PAGE3: variants seen among roughly 807,000 people sequenced by gnomAD.
The protein encoded by PAGE3 is PAGE family member 3, also known as P antigen family member 3.
A neutral mutation model predicts 3.8 loss-of-function variants in PAGE3; 9 were observed. That is an observed-to-expected ratio of 2.36 (90% CI 1.42 to 4.12). The LOEUF (loss-of-function observed/expected upper bound fraction) is 4.12. Ranked by LOEUF, PAGE3 falls within the 30% of genes most tolerant of loss-of-function variation. PAGE3 has a pLI of 0.00. For missense variants in PAGE3, 73 were observed against 37.8 expected (o/e 1.93, Z -2.44); for synonymous variants, 24 against 13.1 (o/e 1.83, Z -1.79).
chrX:55,258,430 G>A lies in PAGE3; in HGVS notation c.*76C>T. ...ACAAGACTTCTTTGCAGACAATTGTGAAACTTTATTGAGAGAATTTTACTG... is the reference window on the plus strand; with the variant it reads ...ACAAGACTTCTTTGCAGACAATTGTAAAACTTTATTGAGAGAATTTTACTG... On this transcript the variant is annotated 3_prime_UTR_variant, in exon 5 of 5. Coordinates refer to ENST00000374951, the MANE Select transcript of PAGE3 (RefSeq NM_001017931.3). 1.8e-6 allele frequency: 1 copy of A among 546,781 alleles called. No homozygotes were observed. 45.1% of individuals were successfully genotyped at this position (546,781 alleles called of 1,213,427 possible).
rs758627352 is a variant in PAGE3 at position 55,260,540 on chromosome X, C to T, written c.313G>A (p.Glu105Lys). 1 of 563,677 alleles carries T rather than the reference C, an allele frequency of 1.8e-6. No homozygotes were observed. Among genetic ancestry groups the T allele is most frequent in the South Asian group, 2.3e-5 (1 of 44,020 alleles). 46.5% of individuals were successfully genotyped at this position (563,677 alleles called of 1,213,427 possible). A position where few individuals can be genotyped will look rare whatever the true frequency, so the allele number is the denominator to read the frequency against. The change falls in exon 4 of 5, where the codon GAA becomes AAA. Residue 105 changes from glutamate to lysine, a missense_variant. Coordinates refer to ENST00000374951, the MANE Select transcript of PAGE3 (RefSeq NM_001017931.3). ...TTTTTAATGAATAACTTACCTGCTT[C>T]TGGTATTTTAACAGGCTCCAGATTT... Reference protein sequence around the residue: ...LPNLEPVKIPEAGEGQPSV With the variant: ...LPNLEPVKIPKAGEGQPSV
chrX:55,262,860 T>C (rs1350289292), intron 3 of PAGE3, among the ~76,000 whole-genome samples: 2 of 107,266 alleles, frequency 1.9e-5, no homozygotes, highest in African/African-American at 6.7e-5. Flanking sequence ...TGATCTATAA[T>C]ATATGTATAA....
chrX:55,264,503 T>A (rs944426817), intron 1 of PAGE3, 43 bp downstream of exon 1: 1 of 111,462 alleles, frequency 9.0e-6, no homozygotes, highest in African/African-American at 3.3e-5. Context: ...CTGGGGAATC[T>A]GTCCTCCCTC....
rs1226542364 is a variant in PAGE3 at position 55,264,889 on chromosome X, A to G, written c.-352T>C. On this transcript the variant is annotated 5_prime_UTR_variant, in exon 1 of 5. Transcript: ENST00000374951. ...TCTCAGGGCAGAGCTCTGAGCGCAG[A>G]CAGCAGACAGCAGACAGCAGACAGC... is the stretch of plus-strand genomic sequence containing the variant. 1 of 110,505 alleles carries G rather than the reference A, an allele frequency of 9.0e-6. No homozygotes were observed. The highest frequency in any genetic ancestry group is 9.6e-5 in the Admixed American group (1 of 10,398). 9.1% of individuals were successfully genotyped at this position (110,505 alleles called of 1,213,427 possible). A position where few individuals can be genotyped will look rare whatever the true frequency, so the allele number is the denominator to read the frequency against.
At position 55,263,333 on chromosome X, in the gene PAGE3, C is replaced by T. The variant is rs746675532; in HGVS notation, c.111G>A (p.Gln37=). The T allele has an allele frequency of 3.2e-5, 18 of 566,971 alleles. No individual in the cohort carries two copies. The highest frequency in any genetic ancestry group is 3.1e-4 in the Middle Eastern group (1 of 3,270). The allele number at this position is 566,971 out of a possible 1,213,427, so 46.7% of individuals were successfully genotyped here. Residue 37 remains glutamine, a synonymous_variant, in exon 3 of 5, where the codon CAG becomes CAA. Transcript: ENST00000374951. ...CAATTGGTGGTTCCTCTTGTTGAAG[C>T]TGGTCATTACTGGGCAGCTCCTGGG... ...VVAQELPSND[Q]LQQEEPPIES... is the part of the protein sequence containing the mutation.
At chrX:55,263,485 A>T in intron 2 of PAGE3, 126 bp from the exon 3 acceptor site, 1 of 430,269 alleles carries the variant, frequency 2.3e-6, no homozygotes, top group South Asian at 4.0e-5. Context: ...TTTTTCCTAC[A>T]CAATTCTACA....
At position 55,264,586 on chromosome X, in the gene PAGE3, T is replaced by A. The variant is rs1938355642; in HGVS notation, c.-49A>T. 1 of 111,186 alleles carries A rather than the reference T, an allele frequency of 9.0e-6. No homozygotes were observed. Among genetic ancestry groups the A allele is most frequent in the Non-Finnish European group, 1.9e-5 (1 of 52,993 alleles). The allele number at this position is 111,186 out of a possible 1,213,427, so 9.2% of individuals were successfully genotyped here. ...CAGCACTCGCCCCATCTTCACGTGA[T>A]TCCTCCCCTCTACGGTCCACCTTCC... On this transcript the variant is annotated 5_prime_UTR_variant, in exon 1 of 5. Coordinates refer to ENST00000374951, the MANE Select transcript of PAGE3 (RefSeq NM_001017931.3).
chrX:55,259,668 T>A (rs1938251570), intron 4 of PAGE3, among the ~76,000 whole-genome samples: 1 of 111,297 alleles, frequency 9.0e-6, no homozygotes, highest in Admixed American at 9.6e-5. Context: ...TTTTATTTAC[T>A]AGTTGAATTA....
In PAGE3 at chrX:55,260,610, C is replaced by A. The variant is rs1256195453; in HGVS notation, c.243G>T (p.Gly81=). ...CATTAGGACCATCTCCACGTTCACC[C>A]CCAGTCTTTGACCGAGTCAGTTCCC... ...YLWELTRSKT[G]GERGDGPNVK... is the part of the protein sequence containing the mutation. The change falls in exon 4 of 5, where the codon GGG becomes GGT. Residue 81 remains glycine (G), a synonymous_variant. Coordinates refer to ENST00000374951, the MANE Select transcript of PAGE3 (RefSeq NM_001017931.3). 1.8e-6 allele frequency: 1 copy of A among 565,002 alleles called. No individual in the cohort carries two copies. Among genetic ancestry groups the A allele is most frequent in the Non-Finnish European group, 3.3e-6 (1 of 306,332 alleles). 46.6% of individuals were successfully genotyped at this position (565,002 alleles called of 1,213,427 possible).
At chrX:55,264,078 T>C (rs970308423) in intron 1 of PAGE3, among the ~76,000 whole-genome samples, 167 bp from the exon 2 acceptor site, 2 of 111,959 alleles carry the variant, frequency 1.8e-5, no homozygotes, top group African/African-American at 6.5e-5. Flanking sequence ...ATATGGCTGC[T>C]TGCAAAGTCA....
At chrX:55,258,856 A>G (rs1938239885) in intron 4 of PAGE3, among the ~76,000 whole-genome samples, 1 of 111,712 alleles carries the variant, frequency 9.0e-6, no homozygotes, top group African/African-American at 3.2e-5. Context: ...CAACTAACCA[A>G]ACATAAGCAA....
intron 4 of PAGE3, 80 bp downstream of exon 4, chrX:55,260,454 G>T (rs3761559): frequency 0.34 from 156,330 of 466,198 alleles, 18,739 homozygotes; most frequent in Admixed American, 0.48. Flanking sequence ...ATTAGCAGTA[G>T]TGGTACCTCT....
intron 1 of PAGE3, 78 bp downstream of exon 1, chrX:55,264,468 C>T (rs1275734852): frequency 2.7e-5 from 3 of 111,331 alleles, no homozygotes; most frequent in African/African-American, 9.9e-5. Flanking sequence ...CTGCCCACCT[C>T]GCCCTGCCAC....
At chrX:55,258,863 G>A (rs1180893461) in intron 4 of PAGE3, among the ~76,000 whole-genome samples, 1 of 110,961 alleles carries the variant, frequency 9.0e-6, no homozygotes, top group African/African-American at 3.3e-5. Flanking sequence ...CCAAACATAA[G>A]CAAACATAAA....
Position 55,264,573 on chromosome X carries a change from C to A in PAGE3, c.-36G>T, listed in dbSNP as rs1004838381. ...CCAACAGCACGCCCAGCACTCGCCC[C>A]ATCTTCACGTGATTCCTCCCCTCTA... On this transcript the variant is annotated 5_prime_UTR_variant, in exon 1 of 5. It removes an upstream start codon present in the reference 5' UTR. Coordinates refer to ENST00000374951, the MANE Select transcript of PAGE3 (RefSeq NM_001017931.3). 8.9e-6 allele frequency: 1 copy of A among 111,923 alleles called. No homozygotes were observed. Among genetic ancestry groups the A allele is most frequent in the Non-Finnish European group, 1.9e-5 (1 of 53,317 alleles). The allele number at this position is 111,923 out of a possible 1,213,427, so 9.2% of individuals were successfully genotyped here.
rs941136690 is a variant in PAGE3, at chrX:55,263,815, C to T, written c.84+5G>A. The T allele has an allele frequency of 1.8e-6, 1 of 558,482 alleles. No individual in the cohort carries two copies. The highest frequency in any genetic ancestry group is 2.3e-5 in the African/African-American group (1 of 44,277). The allele number at this position is 558,482 out of a possible 1,213,427, so 46.0% of individuals were successfully genotyped here. On this transcript the variant is annotated splice_donor_5th_base_variant and intron_variant, in intron 2 of 4. Transcript: ENST00000374951. ...ATAGAAAATATCAAATGTTAAAATACTCACAACCACAGCCCCTACTGGATG... is the reference window on the plus strand; with the variant it reads ...ATAGAAAATATCAAATGTTAAAATATTCACAACCACAGCCCCTACTGGATG...
In PAGE3 at chrX:55,263,258, G is replaced by A. The variant is rs931422486; in HGVS notation, c.186C>T (p.Asp62=). 3.5e-6 allele frequency: 2 copies of A among 568,150 alleles called. No individual in the cohort carries two copies. Among genetic ancestry groups the A allele is most frequent in the Middle Eastern group, 3.1e-4 (1 of 3,239 alleles). 46.8% of individuals were successfully genotyped at this position (568,150 alleles called of 1,213,427 possible). Residue 62 remains aspartate, a synonymous_variant, in exon 3 of 5, where the codon GAC becomes GAT. Coordinates refer to ENST00000374951, the MANE Select transcript of PAGE3 (RefSeq NM_001017931.3). ...PGQERDEGAL[D]FQVLGLAAYL... is the part of the protein sequence containing the mutation. ...TCCTCTCCCACGCTTCACCTTGGAA[G>A]TCCAGTGCTCCCTCGTCTCTCTCTT...
In PAGE3 at chrX:55,263,379, T is replaced by A; in HGVS notation, c.85-20A>T. The A allele has an allele frequency of 3.6e-6, 2 of 557,019 alleles. No individual in the cohort carries two copies. The highest frequency in any genetic ancestry group is 4.8e-5 in the South Asian group (2 of 41,755). 45.9% of individuals were successfully genotyped at this position (557,019 alleles called of 1,213,427 possible). A position where few individuals can be genotyped will look rare whatever the true frequency, so the allele number is the denominator to read the frequency against. On this transcript the variant is annotated intron_variant, in intron 2 of 4. Transcript: ENST00000374951. ...CTGGGCCTAGGAATATGAGTGCGTG[T>A]GCAAATAAAAAGGTCTGTTATTAAT...
At chrX:55,258,628 A>G in intron 4 of PAGE3, 100 bp from the exon 5 acceptor site, 1 of 502,534 alleles carries the variant, frequency 2.0e-6, no homozygotes, top group Non-Finnish European at 3.6e-6. Context: ...TATGAAATGA[A>G]CTATAACAAG....
Sources: allele counts gnomAD v4.1 joint callset (sites outside exome capture counted in the v4.1 genomes callset), GRCh38; gene constraint gnomAD v4.1.1; transcripts MANE v1.5; gene names NCBI Gene and HGNC (gene_info 2026-07-23, HGNC 2026-07-21).